Variants in DPH6 observed in about 807,000 individuals in gnomAD.
DPH6 encodes the protein diphthine--ammonia ligase.
Under a neutral mutation model 38.2 loss-of-function variants are expected in DPH6, and 33 were observed. The ratio of observed to expected loss-of-function variants is 0.86; its 90% CI spans 0.65 to 1.15. The LOEUF is 1.15. DPH6 is among the 50% of genes most tolerant of loss of function. The pLI, the probability that DPH6 is intolerant of heterozygous loss-of-function variation, is 0.00. For synonymous variants in DPH6, 108 were observed against 103.0 expected, an observed-to-expected ratio of 1.05 and a Z score of -0.30; for missense variants, 325 against 320.0, an observed-to-expected ratio of 1.02 and a Z score of -0.12.
intron 3 of DPH6, chr15:35,521,944 G>C: frequency 7.0e-7 from 1 of 1,419,806 alleles, no homozygotes; most frequent in Non-Finnish European, 9.2e-7. Context: ...CATTTTTGAA[G>C]GTTTGCCAAA....
At chr15:35,261,172 T>C (rs1167815789) in intron 3 of DPH6, among the ~76,000 whole-genome samples, 2 of 152,228 alleles carry the variant, frequency 1.3e-5, no homozygotes, top group Non-Finnish European at 2.9e-5. Flanking sequence ...ACATTCCTTA[T>C]GCAGTTTCAC....
chr15:35,468,622 T>G (rs918179979), intron 3 of DPH6, among the ~76,000 whole-genome samples: 1 of 151,886 alleles, frequency 6.6e-6, no homozygotes, highest in Non-Finnish European at 1.5e-5. Flanking sequence ...CAAAGAGACT[T>G]AAGGGACCAA....
intron 3 of DPH6, among the ~76,000 whole-genome samples, chr15:35,230,557 C>G (rs1484845624): frequency 6.6e-6 from 1 of 152,098 alleles, no homozygotes; most frequent in Non-Finnish European, 1.5e-5. Context: ...AAGACAAAGT[C>G]CCACTTTTAT....
At chr15:35,396,754 A>T (rs1348690049) in intron 6 of DPH6, among the ~76,000 whole-genome samples, 1 of 152,198 alleles carries the variant, frequency 6.6e-6, no homozygotes, top group Non-Finnish European at 1.5e-5. Flanking sequence ...AAACTTTGTT[A>T]TGTTCAAAAT....
At chr15:35,469,976 T>A (rs1393111920) in intron 3 of DPH6, among the ~76,000 whole-genome samples, 1 of 152,134 alleles carries the variant, frequency 6.6e-6, no homozygotes, top group East Asian at 1.9e-4. Flanking sequence ...GGAGGGCAGA[T>A]CACCTGAGGT....
the DPH6 span, among the ~76,000 whole-genome samples, chr15:35,195,474 A>G: frequency 3.3e-5 from 5 of 152,194 alleles, no homozygotes; most frequent in African/African-American, 7.2e-5. Context: ...CAAGCATTGA[A>G]TCCATATTTA....
intron 3 of DPH6, among the ~76,000 whole-genome samples, chr15:35,317,110 T>G (rs1305828461): frequency 6.6e-6 from 1 of 151,800 alleles, no homozygotes; most frequent in Non-Finnish European, 1.5e-5. Flanking sequence ...ATACAAAAAA[T>G]TAGCCAGGCG....
chr15:35,236,995 C>T (rs1314217269), intron 3 of DPH6, among the ~76,000 whole-genome samples: 1 of 152,136 alleles, frequency 6.6e-6, no homozygotes, highest in East Asian at 1.9e-4. Flanking sequence ...ATCTCCATTA[C>T]ATAATCTGGT....
intron 6 of DPH6, among the ~76,000 whole-genome samples, chr15:35,387,326 C>G (rs2052978892): frequency 6.6e-6 from 1 of 152,146 alleles, no homozygotes; most frequent in African/African-American, 2.4e-5. Context: ...GCAATGCGGG[C>G]TCTTTTTTGG....
the DPH6 span, among the ~76,000 whole-genome samples, chr15:35,200,827 AT>A: frequency 3.3e-5 from 5 of 151,844 alleles, no homozygotes; most frequent in African/African-American, 4.8e-5. Context: ...AATATTTGGT[AT>A]GTACTTGGAT....
chr15:35,256,169 T>C (rs2051707042), intron 3 of DPH6, among the ~76,000 whole-genome samples: 1 of 152,140 alleles, frequency 6.6e-6, no homozygotes. Context: ...AAGGCAATAT[T>C]TACAAATTTT....
chr15:35,447,105 G>A (rs187312895), intron 5 of DPH6, among the ~76,000 whole-genome samples: 6 of 152,108 alleles, frequency 3.9e-5, no homozygotes, highest in African/African-American at 9.6e-5. Context: ...TCCTGACCTC[G>A]TGATCCGCCC....
chr15:35,441,107 G>C (rs1376331160), intron 5 of DPH6, among the ~76,000 whole-genome samples: 1 of 152,180 alleles, frequency 6.6e-6, no homozygotes, highest in Non-Finnish European at 1.5e-5. Context: ...AAACCACAAT[G>C]AGATACCATC....
At chr15:35,399,950 C>T (rs1162472996) in intron 6 of DPH6, among the ~76,000 whole-genome samples, 4 of 152,172 alleles carry the variant, frequency 2.6e-5, no homozygotes, top group African/African-American at 9.7e-5. Flanking sequence ...AACAAGGACT[C>T]CCAACACAGA....
At chr15:35,204,743 C>T in the DPH6 span, among the ~76,000 whole-genome samples, 39 of 151,838 alleles carry the variant, frequency 2.6e-4, no homozygotes, top group Non-Finnish European at 5.3e-4. Context: ...AGTGATATAA[C>T]ATAGTCTCTC....
the DPH6 span, among the ~76,000 whole-genome samples, chr15:35,197,482 C>T: frequency 6.6e-6 from 1 of 152,230 alleles, no homozygotes; most frequent in African/African-American, 2.4e-5. Flanking sequence ...TGATTAATGG[C>T]TGTGGCCAGG....
chr15:35,317,437 AAGAG>A (rs1433460062), intron 3 of DPH6, among the ~76,000 whole-genome samples: 5 of 151,206 alleles, frequency 3.3e-5, no homozygotes, highest in Non-Finnish European at 7.4e-5. Context: ...GGGAGGAAGA[AAGAG>A]AGAGAGAAAA....
rs142240313 is a variant in DPH6 at position 35,287,345 on chromosome 15, G to C, written n.201-66763C>G. Among the ~76,000 whole-genome samples, 108 of 152,200 alleles carry C rather than the reference G, an allele frequency of 7.1e-4. 3 individuals carry two copies. In the East Asian group the frequency reaches 0.018, roughly 25 times the overall value. ...AAAACATATGAGGTTTATACAGAGG[G>C]CTATTATTTTACAAACAACAAATGA... On this transcript the variant is annotated intron_variant and non_coding_transcript_variant, in intron 3 of 3. Coordinates refer to the DPH6 transcript ENST00000560386.
At chr15:35,406,955 AC>A (rs2053301764) in intron 6 of DPH6, among the ~76,000 whole-genome samples, 1 of 151,972 alleles carries the variant, frequency 6.6e-6, no homozygotes, top group Non-Finnish European at 1.5e-5. Flanking sequence ...TATGGAGGGA[AC>A]CACAATATAT....
Sources: allele counts gnomAD v4.1 joint callset (sites outside exome capture counted in the v4.1 genomes callset), GRCh38; gene constraint gnomAD v4.1.1; transcripts MANE v1.5; gene names NCBI Gene and HGNC (gene_info 2026-07-23, HGNC 2026-07-21).